The following ZNF600 variants were observed in gnomAD, a reference collection of about 807,000 sequenced individuals.
ZNF600 encodes zinc finger protein 600.
In ZNF600, 4 loss-of-function variants were observed where a neutral mutation model predicts 7.3. The observed-to-expected ratio is 0.55, with a 90% CI of 0.27 to 1.25. The LOEUF (loss-of-function observed/expected upper bound fraction) is 1.25, where lower values mean the gene tolerates loss of function less well. Among genes scored for constraint, ZNF600 ranks in the 50% most tolerant of loss-of-function variants. ZNF600 has a pLI of 0.12. For missense variants in ZNF600, 911 were observed against 922.1 expected, an observed-to-expected ratio of 0.99 and a Z score of 0.16; for synonymous variants, 290 against 308.9, an observed-to-expected ratio of 0.94 and a Z score of 0.64.
chr19:52,777,477 G>A (rs908096249), intron 2 of ZNF600, among the ~76,000 whole-genome samples: 1 of 151,998 alleles, frequency 6.6e-6, no homozygotes, highest in African/African-American at 2.4e-5. Flanking sequence ...GGATATCAAG[G>A]CTATAGTGAG....
At chr19:52,785,006 A>C in intron 1 of ZNF600, among the ~76,000 whole-genome samples, 1 of 152,192 alleles carries the variant, frequency 6.6e-6, no homozygotes, top group Middle Eastern at 3.4e-3. Context: ...TAAAGTGCTG[A>C]GATTACAGGC....
chr19:52,772,839 T>C (rs111242577), intron 3 of ZNF600, among the ~76,000 whole-genome samples: 3 of 147,090 alleles, frequency 2.0e-5, no homozygotes, highest in Non-Finnish European at 4.5e-5. Context: ...GGAGAACAGA[T>C]AGAAGTACAT....
chr19:52,794,742 C>A, the ZNF600 span, among the ~76,000 whole-genome samples: 10 of 152,114 alleles, frequency 6.6e-5, no homozygotes, highest in East Asian at 1.9e-3. Context: ...GTGGTCTCAG[C>A]TATTTGGGAG....
the ZNF600 span, among the ~76,000 whole-genome samples, chr19:52,809,607 A>G: frequency 6.6e-6 from 1 of 152,156 alleles, no homozygotes; most frequent in Admixed American, 6.6e-5. Context: ...AGAGTTCAAG[A>G]CCAGCATGGC....
At chr19:52,811,626 G>A in the ZNF600 span, among the ~76,000 whole-genome samples, 2,725 of 121,898 alleles carry the variant, frequency 0.022, 99 homozygotes, top group African/African-American at 0.093. Context: ...CGGCCGCCCC[G>A]TCTGAGAAGT....
At chr19:52,801,101 A>G in the ZNF600 span, 2 of 1,614,052 alleles carry the variant, frequency 1.2e-6, no homozygotes, top group Non-Finnish European at 1.7e-6. Context: ...ATACCTTGCC[A>G]TATACATCAC....
the ZNF600 span, among the ~76,000 whole-genome samples, chr19:52,794,438 G>A: frequency 6.6e-6 from 1 of 152,096 alleles, no homozygotes; most frequent in East Asian, 1.9e-4. Context: ...CTGTTGTTAC[G>A]AGCAGGAGAC....
At chr19:52,809,955 G>A in the ZNF600 span, 1 of 813,974 alleles carries the variant, frequency 1.2e-6, no homozygotes, top group South Asian at 1.4e-5. Context: ...GGGGGGCGCA[G>A]GGGACGATGG....
intron 1 of ZNF600, among the ~76,000 whole-genome samples, chr19:52,781,742 G>A (rs895752836): frequency 4.7e-5 from 7 of 149,392 alleles, no homozygotes; most frequent in Non-Finnish European, 1.0e-4. Flanking sequence ...CAGCCTAGGT[G>A]ATAGGGTGAC....
At chr19:52,798,841 AT>A in the ZNF600 span, 1 of 1,146,732 alleles carries the variant, frequency 8.7e-7, no homozygotes, top group Non-Finnish European at 1.2e-6. Context: ...TGTGACAATC[AT>A]TATATTAGTC....
At chr19:52,784,569 C>T (rs924597142) in intron 1 of ZNF600, among the ~76,000 whole-genome samples, 1 of 152,040 alleles carries the variant, frequency 6.6e-6, no homozygotes, top group East Asian at 1.9e-4. Flanking sequence ...CCTCTGATAC[C>T]AAAATTTATA....
chr19:52,800,468 T>A, the ZNF600 span: 1 of 1,613,484 alleles, frequency 6.2e-7, no homozygotes, highest in South Asian at 1.1e-5. Flanking sequence ...CAGTATGAAG[T>A]CTATGATGGC....
At chr19:52,833,540 C>T in the ZNF600 span, among the ~76,000 whole-genome samples, 2 of 152,284 alleles carry the variant, frequency 1.3e-5, no homozygotes, top group East Asian at 1.9e-4. Context: ...AGGAATATCA[C>T]TTCACCTGAG....
At chr19:52,819,915 T>G in the ZNF600 span, among the ~76,000 whole-genome samples, 2 of 142,606 alleles carry the variant, frequency 1.4e-5, no homozygotes, top group Admixed American at 1.4e-4. Flanking sequence ...CATAAGCAAA[T>G]TATTTCAATC....
At chr19:52,800,676 T>G in the ZNF600 span, 3 of 1,613,852 alleles carry the variant, frequency 1.9e-6, no homozygotes, top group Non-Finnish European at 8.5e-7. Context: ...ACTGAAAACT[T>G]TTTCACATTC....
At chr19:52,787,289 A>G (rs1459597395), upstream of ZNF600, among the ~76,000 whole-genome samples, 1 of 152,144 alleles carries the variant, frequency 6.6e-6, no homozygotes, top group Non-Finnish European at 1.5e-5. Context: ...CCAGCTACTC[A>G]GGAAGCAGCG....
At chr19:52,765,533 C>T in exon 4 of ZNF600, 2 of 1,610,326 alleles carry the variant, frequency 1.2e-6, no homozygotes, top group Non-Finnish European at 1.7e-6. Context: ...TATAGATTCT[C>T]CAATGATTTG....
intron 3 of ZNF600, among the ~76,000 whole-genome samples, chr19:52,768,005 G>A (rs1227124712): frequency 6.6e-6 from 1 of 152,078 alleles, no homozygotes; most frequent in Non-Finnish European, 1.5e-5. Flanking sequence ...CACTGACAGG[G>A]CACAAACGTG....
the ZNF600 span, chr19:52,805,656 A>AAATAAATAAATAAATAAATAAATG: frequency 2.0e-5 from 3 of 150,842 alleles, no homozygotes; most frequent in Admixed American, 6.6e-5. Context: ...ATAAATAAAT[A>AAATAAATAAATAAATAAATAAATG]AATAAATAAA....
Sources: gnomAD v4.1 joint callset for allele counts (sites outside exome capture counted in the v4.1 genomes callset) on GRCh38, gnomAD v4.1.1 for gene constraint, MANE v1.5 for transcripts, NCBI Gene and HGNC (gene_info 2026-07-23, HGNC 2026-07-21) for gene names.